The following HDAC9 variants were observed in gnomAD, a reference collection of about 807,000 sequenced individuals.
The protein encoded by HDAC9 is MEF-2 interacting transcription repressor (MITR) protein.
HDAC9 carries 41 observed loss-of-function variants against 139.4 expected under a neutral mutation model. The ratio of observed to expected loss-of-function variants is 0.29; its 90% CI spans 0.23 to 0.38. HDAC9 has a LOEUF of 0.38. Among genes scored for constraint, HDAC9 ranks in the 10% least tolerant of loss-of-function variants. The pLI is 1.00. For missense variants in HDAC9, 1,147 were observed against 1,297.0 expected, an observed-to-expected ratio of 0.88 and a Z score of 1.78; for synonymous variants, 517 against 476.2, an observed-to-expected ratio of 1.09 and a Z score of -1.12.
At chr7:18,658,422 T>C (rs576670535) in intron 11 of HDAC9, among the ~76,000 whole-genome samples, 2 of 152,114 alleles carry the variant, frequency 1.3e-5, no homozygotes, top group Non-Finnish European at 2.9e-5. Context: ...GGAAAAAAAA[T>C]TTAATTGCAG....
chr7:18,372,682 C>G lies in HDAC9; in HGVS notation c.-42+82167C>G, dbSNP rs79777066. On this transcript the variant is annotated intron_variant, in intron 1 of 3. Transcript: ENST00000413509. The stretch of plus-strand genomic sequence containing the variant: ...AGTGTCCCTAGGATTATAAGCTAGG[C>G]CCAGACCTAGTCTAGTCTGTGATCT... Among the ~76,000 whole-genome samples, 1,147 of 152,260 alleles carry G rather than the reference C, an allele frequency of 7.5e-3. 18 individuals are homozygous for G. The highest frequency in any genetic ancestry group is 0.027 in the African/African-American group (1,103 of 41,546).
chr7:18,342,861 A>C (rs1782119939), intron 1 of HDAC9, among the ~76,000 whole-genome samples: 1 of 151,930 alleles, frequency 6.6e-6, no homozygotes. Flanking sequence ...ATGTGCAAGC[A>C]AAGAGTGAAG....
intron 22 of HDAC9, among the ~76,000 whole-genome samples, chr7:18,912,611 T>A (rs1802839550): frequency 6.6e-6 from 1 of 152,098 alleles, no homozygotes; most frequent in Non-Finnish European, 1.5e-5. Flanking sequence ...CAGTGGGTAG[T>A]GCCCAAGGAT....
At chr7:18,332,360 CATGTGTGTGTGTGT>C (rs1396729222) in intron 1 of HDAC9, among the ~76,000 whole-genome samples, 4 of 114,060 alleles carry the variant, frequency 3.5e-5, no homozygotes, top group Non-Finnish European at 5.5e-5. Flanking sequence ...TGCATGCGCA[CATGTGTGTGTGTGT>C]GTGTGTGTGT....
intron 2 of HDAC9, among the ~76,000 whole-genome samples, chr7:18,507,886 A>C (rs1800295557): frequency 6.6e-6 from 1 of 152,236 alleles, no homozygotes; most frequent in Non-Finnish European, 1.5e-5. Flanking sequence ...GATGGAAATA[A>C]ATTCAGAGAG....
At chr7:18,322,540 A>G (rs1205778465) in intron 1 of HDAC9, among the ~76,000 whole-genome samples, 1 of 152,204 alleles carries the variant, frequency 6.6e-6, no homozygotes, top group Admixed American at 6.6e-5. Context: ...TCTACTTAGC[A>G]AGAGATTATT....
chr7:18,622,766 A>G (rs1052556280), intron 6 of HDAC9, among the ~76,000 whole-genome samples: 39 of 152,168 alleles, frequency 2.6e-4, no homozygotes, highest in South Asian at 6.2e-4. Context: ...ATAAGAATGA[A>G]GAACTTCTAC....
chr7:18,131,303 A>G (rs746392649), intron 1 of HDAC9, among the ~76,000 whole-genome samples: 17 of 152,152 alleles, frequency 1.1e-4, no homozygotes, highest in Non-Finnish European at 1.5e-4. Context: ...ATTTGTTAGT[A>G]TGAACTTAAA....
chr7:18,247,292 C>T (rs1794619748), intron 2 of HDAC9, among the ~76,000 whole-genome samples: 1 of 151,802 alleles, frequency 6.6e-6, no homozygotes, highest in African/African-American at 2.4e-5. Flanking sequence ...TGAGAAGAGG[C>T]CACGTGGTGA....
intron 17 of HDAC9, among the ~76,000 whole-genome samples, chr7:18,802,990 A>G (rs1218292528): frequency 3.3e-5 from 5 of 151,928 alleles, no homozygotes; most frequent in Non-Finnish European, 5.9e-5. Context: ...GATTTATAAT[A>G]TACTGAAACA....
At chr7:18,436,969 A>C (rs1173049203) in intron 1 of HDAC9, among the ~76,000 whole-genome samples, 2 of 152,238 alleles carry the variant, frequency 1.3e-5, no homozygotes, top group African/African-American at 4.8e-5. Flanking sequence ...GATGAAGGTC[A>C]TGTAAAGCCA....
chr7:18,981,633 A>G (rs1784955653), intron 25 of HDAC9, among the ~76,000 whole-genome samples: 1 of 152,090 alleles, frequency 6.6e-6, no homozygotes, highest in South Asian at 2.1e-4. Context: ...CTTCACATCT[A>G]TCTGACCTTT....
At chr7:18,732,144 G>T (rs1019293969) in intron 13 of HDAC9, among the ~76,000 whole-genome samples, 2 of 152,188 alleles carry the variant, frequency 1.3e-5, no homozygotes, top group African/African-American at 4.8e-5. Flanking sequence ...ACAGGTGTGA[G>T]CTACTGAGCT....
At chr7:18,962,342 C>T (rs1563089213) in intron 24 of HDAC9, among the ~76,000 whole-genome samples, 1 of 152,108 alleles carries the variant, frequency 6.6e-6, no homozygotes, top group Non-Finnish European at 1.5e-5. Context: ...GTATCACAGC[C>T]AGGTCAGACT....
In HDAC9 at chr7:18,188,210, C is replaced by T. The variant is rs539662477; in HGVS notation, c.25+25861C>T. Among the ~76,000 whole-genome samples, 14 of 152,292 alleles carry T rather than the reference C, an allele frequency of 9.2e-5. No individual in the cohort carries two copies. The South Asian group carries it at 2.5e-3, about 27-fold the overall frequency. On this transcript the variant is annotated intron_variant, in intron 2 of 12. Coordinates refer to the HDAC9 transcript ENST00000417496. The stretch of plus-strand genomic sequence containing the variant: ...AATAGCACCACACATCTACAACCAT[C>T]TGATCTTTGACAAAACTGACAAAAA...
chr7:18,504,910 AATTCTGCTT>A (rs1426233949), intron 2 of HDAC9, among the ~76,000 whole-genome samples: 1 of 152,230 alleles, frequency 6.6e-6, no homozygotes, highest in East Asian at 1.9e-4. Context: ...AGCATAGGAT[AATTCTGCTT>A]GGTACTAAAA....
intron 1 of HDAC9, among the ~76,000 whole-genome samples, chr7:18,397,229 G>A (rs77552766): frequency 0.016 from 2,437 of 152,088 alleles, 47 homozygotes; most frequent in African/African-American, 0.055. Flanking sequence ...GTATATTAGT[G>A]GTCATATAGT....
At chr7:18,958,110 A>T (rs1412283388) in intron 24 of HDAC9, among the ~76,000 whole-genome samples, 1 of 152,042 alleles carries the variant, frequency 6.6e-6, no homozygotes, top group African/African-American at 2.4e-5. Flanking sequence ...AGGATCATTT[A>T]TGTTGTCCTG....
chr7:18,730,893 C>T (rs531437917), intron 13 of HDAC9, among the ~76,000 whole-genome samples: 1 of 152,140 alleles, frequency 6.6e-6, no homozygotes, highest in Non-Finnish European at 1.5e-5. Flanking sequence ...CTGTTAGCAT[C>T]ACTACTCTTG....
Sources: gnomAD v4.1 joint callset for allele counts (sites outside exome capture counted in the v4.1 genomes callset) on GRCh38, gnomAD v4.1.1 for gene constraint, MANE v1.5 for transcripts, NCBI Gene and HGNC (gene_info 2026-07-23, HGNC 2026-07-21) for gene names.